PLPPR5: variants seen among roughly 807,000 people sequenced by gnomAD.
PLPPR5 encodes the protein phospholipid phosphatase related 5.
In PLPPR5, 16 loss-of-function variants were observed where a neutral mutation model predicts 33.9. The ratio of observed to expected loss-of-function variants is 0.47; its 90% CI spans 0.32 to 0.72. The LOEUF (loss-of-function observed/expected upper bound fraction) is 0.72, where lower values mean the gene tolerates loss of function less well. Ranked by LOEUF, PLPPR5 falls within the 30% of genes least tolerant of loss-of-function variation. The pLI is 0.03. For missense variants in PLPPR5, 301 were observed against 406.7 expected (o/e 0.74, Z 2.23); for synonymous variants, 163 against 150.3 (o/e 1.08, Z -0.62).
intron 3 of PLPPR5, among the ~76,000 whole-genome samples, chr1:98,949,123 A>T (rs549357280): frequency 2.5e-4 from 38 of 152,322 alleles, no homozygotes; most frequent in African/African-American, 8.7e-4. Flanking sequence ...ACCCATTTAT[A>T]TGAAAAGAAA....
At position 98,941,977 on chromosome 1, in the gene PLPPR5, C is replaced by CATATATGTATACGTATATAT. The variant is rs1330295023; in HGVS notation, c.621+11073_621+11092dup. The stretch of plus-strand genomic sequence containing the variant: ...AGTTTGATAACTGCAATTACAGATA[C>CATATATGTATACGTATATAT]ATATATGTATACGTATATATATATA... On this transcript the variant is annotated intron_variant, in intron 3 of 5. Coordinates refer to ENST00000263177, the MANE Select transcript of PLPPR5 (RefSeq NM_001037317.2). Among the ~76,000 whole-genome samples, 12 of 121,966 alleles carry CATATATGTATACGTATATAT rather than the reference C, an allele frequency of 9.8e-5. 1 individual carries two copies. Among genetic ancestry groups the CATATATGTATACGTATATAT allele is most frequent in the African/African-American group, 3.0e-4 (10 of 33,888 alleles). The allele number at this position is 121,966 out of a possible 152,430, so 80.0% of individuals were successfully genotyped here.
intron 3 of PLPPR5, among the ~76,000 whole-genome samples, chr1:98,938,489 C>T (rs983911069): frequency 6.8e-6 from 1 of 146,904 alleles, no homozygotes; most frequent in Non-Finnish European, 1.5e-5. Context: ...CATAAAATAG[C>T]ATATTGAATA....
At chr1:99,000,485 C>T (rs955448552) in intron 1 of PLPPR5, among the ~76,000 whole-genome samples, 2 of 152,156 alleles carry the variant, frequency 1.3e-5, no homozygotes, top group Admixed American at 1.3e-4. Context: ...GATGTATACG[C>T]CATTTTCCCC....
At chr1:98,966,540 T>C (rs934272101) in intron 1 of PLPPR5, among the ~76,000 whole-genome samples, 1 of 152,132 alleles carries the variant, frequency 6.6e-6, no homozygotes, top group Admixed American at 6.5e-5. Flanking sequence ...AACCTATATA[T>C]GTTACTAGCC....
chr1:98,991,142 G>A (rs1292689652), intron 1 of PLPPR5: 1 of 152,002 alleles, frequency 6.6e-6, no homozygotes, highest in Non-Finnish European at 1.5e-5. Context: ...CCAATTAGAT[G>A]AAGTTTCCTG....
rs530733962 is a variant in PLPPR5 at position 98,992,601 on chromosome 1, A to G, written c.237+11834T>C. On this transcript the variant is annotated intron_variant, in intron 1 of 5. Coordinates refer to ENST00000263177, the MANE Select transcript of PLPPR5 (RefSeq NM_001037317.2). ...AAATGTAGTGTTACTTTTTGTCTGA[A>G]AAGATTTGATGTTAGAAACAAAAAA... 7.2e-5 allele frequency among the ~76,000 whole-genome samples: 11 copies of G among 152,260 alleles called. No homozygotes were observed. The East Asian group carries it at 2.1e-3, about 29-fold the overall frequency.
intron 1 of PLPPR5, among the ~76,000 whole-genome samples, chr1:99,001,671 G>GATATATATATATATATAGAT (rs1553173326): frequency 2.1e-4 from 21 of 102,182 alleles, no homozygotes; most frequent in Non-Finnish European, 2.7e-4. Context: ...GAAAGTTAAA[G>GATATATATATATATATAGAT]ATATATATAT....
chr1:98,894,039 G>T (rs1445813470), intron 5 of PLPPR5, among the ~76,000 whole-genome samples: 1 of 151,886 alleles, frequency 6.6e-6, no homozygotes, highest in Non-Finnish European at 1.5e-5. Context: ...TTTAAAATGT[G>T]TGTAAAGAAA....
chr1:98,983,664 C>T (rs1221661533), intron 1 of PLPPR5, among the ~76,000 whole-genome samples: 2 of 151,404 alleles, frequency 1.3e-5, no homozygotes, highest in South Asian at 4.2e-4. Flanking sequence ...AATCGCCACA[C>T]TGACTTCCAC....
chr1:98,987,216 G>A (rs373153592), intron 1 of PLPPR5, among the ~76,000 whole-genome samples: 17 of 151,750 alleles, frequency 1.1e-4, no homozygotes, highest in South Asian at 1.0e-3. Flanking sequence ...CTTAAGCCCC[G>A]GAAAAACTTC....
In PLPPR5 at chr1:98,960,207, T is replaced by A. The variant is rs181135712; in HGVS notation, c.238-3466A>T. On this transcript the variant is annotated intron_variant, in intron 1 of 5. Coordinates refer to ENST00000263177, the MANE Select transcript of PLPPR5 (RefSeq NM_001037317.2). ...ACTGCTCTCAGATAATAATAATAATTATTATTATTATTTTGAGATGAAGTC... is the reference window on the plus strand; with the variant it reads ...ACTGCTCTCAGATAATAATAATAATAATTATTATTATTTTGAGATGAAGTC... Among the ~76,000 whole-genome samples the A allele has an allele frequency of 1.0e-3, 158 of 151,666 alleles. 1 individual carries two copies. Among genetic ancestry groups the A allele is most frequent in the East Asian group, 5.6e-3 (29 of 5,156 alleles).
intron 1 of PLPPR5, among the ~76,000 whole-genome samples, chr1:98,995,413 A>G (rs1490255492): frequency 6.6e-6 from 1 of 152,126 alleles, no homozygotes; most frequent in Non-Finnish European, 1.5e-5. Flanking sequence ...CCACTGTGAC[A>G]TGCGATTTAC....
At chr1:99,002,381 C>G (rs901299441) in intron 1 of PLPPR5, among the ~76,000 whole-genome samples, 1 of 152,218 alleles carries the variant, frequency 6.6e-6, no homozygotes, top group African/African-American at 2.4e-5. Context: ...CACCTTCTTT[C>G]AGAGAACAAG....
intron 1 of PLPPR5, among the ~76,000 whole-genome samples, chr1:98,970,797 G>C (rs1651629578): frequency 6.6e-6 from 1 of 151,954 alleles, no homozygotes; most frequent in African/African-American, 2.4e-5. Flanking sequence ...TTCATCATAA[G>C]AGATTTTTGT....
At chr1:98,934,780 C>T (rs907912810) in intron 3 of PLPPR5, among the ~76,000 whole-genome samples, 5 of 152,020 alleles carry the variant, frequency 3.3e-5, no homozygotes, top group Non-Finnish European at 7.4e-5. Flanking sequence ...ACCACCAACC[C>T]GGACGTGAGG....
At chr1:98,981,418 T>G (rs1273673352) in intron 1 of PLPPR5, among the ~76,000 whole-genome samples, 1 of 152,040 alleles carries the variant, frequency 6.6e-6, no homozygotes, top group East Asian at 1.9e-4. Context: ...CTAAACAACT[T>G]TGCATGCTGT....
intron 1 of PLPPR5, among the ~76,000 whole-genome samples, chr1:98,983,266 T>C (rs916916641): frequency 2.0e-4 from 25 of 122,620 alleles, no homozygotes; most frequent in Non-Finnish European, 1.1e-4. Flanking sequence ...GTCCCCAGAG[T>C]GTGATATTCC....
intron 2 of PLPPR5, 110 bp downstream of exon 2, chr1:98,956,499 G>GA (rs1651004434): frequency 1.1e-5 from 12 of 1,100,488 alleles, no homozygotes; most frequent in Admixed American, 7.4e-5. Context: ...ACATTTCAAA[G>GA]AAAAAAACCC....
At chr1:98,938,551 T>A (rs1650256915) in intron 3 of PLPPR5, among the ~76,000 whole-genome samples, 2 of 148,454 alleles carry the variant, frequency 1.3e-5, no homozygotes, top group African/African-American at 4.9e-5. Flanking sequence ...AATATAAATA[T>A]ATTTATTTAA....
Sources: gnomAD v4.1 joint callset for allele counts (sites outside exome capture counted in the v4.1 genomes callset) on GRCh38, gnomAD v4.1.1 for gene constraint, MANE v1.5 for transcripts, NCBI Gene and HGNC (gene_info 2026-07-23, HGNC 2026-07-21) for gene names.